Variants in METTL15 observed in about 807,000 individuals in gnomAD.
METTL15 encodes the protein 12S rRNA N(4)-cytidine methyltransferase METTL15.
In METTL15, 34 loss-of-function variants were observed where a neutral mutation model predicts 38.3. The observed-to-expected ratio is 0.89, with a 90% CI of 0.68 to 1.18. METTL15 has a LOEUF of 1.18. Among genes scored for constraint, METTL15 ranks in the 50% most tolerant of loss-of-function variants. The probability of loss-of-function intolerance (pLI) is 0.00; values close to 1 mark genes in which losing one functional copy is unlikely to be tolerated. For missense variants in METTL15, 438 were observed against 498.4 expected, an observed-to-expected ratio of 0.88 and a Z score of 1.15; for synonymous variants, 162 against 170.9, an observed-to-expected ratio of 0.95 and a Z score of 0.41.
At chr11:28,345,258 G>C (rs1348916007) in intron 3 of METTL15, among the ~76,000 whole-genome samples, 2 of 152,106 alleles carry the variant, frequency 1.3e-5, no homozygotes, top group Admixed American at 1.3e-4. Flanking sequence ...ACGTGATCTC[G>C]GCCTACTGCA....
intron 3 of METTL15, among the ~76,000 whole-genome samples, chr11:28,171,174 T>C (rs529216165): frequency 6.6e-6 from 1 of 152,296 alleles, no homozygotes; most frequent in South Asian, 2.1e-4. Context: ...TTCTTTAAGC[T>C]TAAGTGGAGT....
At chr11:28,376,393 T>C (rs1193306740) in intron 5 of METTL15, among the ~76,000 whole-genome samples, 3 of 152,144 alleles carry the variant, frequency 2.0e-5, no homozygotes, top group Non-Finnish European at 4.4e-5. Context: ...CTCTTCTTGT[T>C]GAATTGATCC....
At chr11:28,194,525 C>T (rs543467484) in intron 3 of METTL15, among the ~76,000 whole-genome samples, 1 of 151,764 alleles carries the variant, frequency 6.6e-6, no homozygotes. Flanking sequence ...GCGGTTGAAA[C>T]TATCAAGGTA....
At chr11:28,427,864 C>A (rs776939106) in intron 6 of METTL15, among the ~76,000 whole-genome samples, 1 of 152,130 alleles carries the variant, frequency 6.6e-6, no homozygotes, top group African/African-American at 2.4e-5. Context: ...CATTTGCAAA[C>A]AAAGATAGTT....
intron 3 of METTL15, among the ~76,000 whole-genome samples, chr11:28,124,624 G>T (rs147251491): frequency 5.3e-5 from 8 of 152,200 alleles, no homozygotes; most frequent in Non-Finnish European, 1.2e-4. Flanking sequence ...ATAAAAAACT[G>T]TAAGAGGATG....
intron 3 of METTL15, among the ~76,000 whole-genome samples, chr11:28,345,553 G>C (rs1849989054): frequency 6.6e-6 from 1 of 152,148 alleles, no homozygotes; most frequent in African/African-American, 2.4e-5. Context: ...ATTCTAGCTT[G>C]AAGAAAAAGG....
chr11:28,202,777 G>A (rs1276252761), intron 3 of METTL15, among the ~76,000 whole-genome samples: 1 of 152,062 alleles, frequency 6.6e-6, no homozygotes, highest in Non-Finnish European at 1.5e-5. Flanking sequence ...AAGTTTTAAA[G>A]TGAAGTCAGG....
chr11:28,213,011 A>T (rs188196214), intron 4 of METTL15, among the ~76,000 whole-genome samples: 1 of 152,044 alleles, frequency 6.6e-6, no homozygotes, highest in Admixed American at 6.6e-5. Flanking sequence ...CAGTTTATAG[A>T]TGTGGAAACT....
At chr11:28,360,500 G>A (rs1850127559) in intron 4 of METTL15, among the ~76,000 whole-genome samples, 2 of 152,194 alleles carry the variant, frequency 1.3e-5, no homozygotes, top group South Asian at 4.1e-4. Flanking sequence ...AAGACAAGTA[G>A]TGGAGAAAGC....
intron 6 of METTL15, among the ~76,000 whole-genome samples, chr11:28,310,786 G>T (rs983522550): frequency 6.6e-6 from 1 of 151,906 alleles, no homozygotes; most frequent in Non-Finnish European, 1.5e-5. Context: ...TGTATTTCAT[G>T]TATCTTTGAT....
rs151312315 is a variant in METTL15 at position 28,429,017 on chromosome 11, A to G, written c.*424+4653A>G. 3.9e-3 allele frequency among the ~76,000 whole-genome samples: 591 copies of G among 152,050 alleles called. 6 individuals carry two copies. The highest frequency in any genetic ancestry group is 0.013 in the African/African-American group (548 of 41,466). ...TCCCTGCCTGACTTTTTAACCCCCT[A>G]TTATACTGCCTGCCTGACTGGACTG... On this transcript the variant is annotated intron_variant and NMD_transcript_variant, in intron 6 of 7. Coordinates refer to the METTL15 transcript ENST00000532947.
intron 6 of METTL15, among the ~76,000 whole-genome samples, chr11:28,512,673 G>A (rs1403320614): frequency 1.3e-5 from 2 of 152,146 alleles, no homozygotes; most frequent in Admixed American, 6.5e-5. Flanking sequence ...CAGCTGGCCC[G>A]TAAGTGCCAC....
chr11:28,239,495 T>C (rs1368065058), intron 4 of METTL15, among the ~76,000 whole-genome samples: 2 of 152,216 alleles, frequency 1.3e-5, no homozygotes, highest in African/African-American at 4.8e-5. Flanking sequence ...ATTGGAGTTT[T>C]GTGTTTTGAC....
At chr11:28,422,635 A>G (rs1007296261) in intron 5 of METTL15, among the ~76,000 whole-genome samples, 3 of 152,064 alleles carry the variant, frequency 2.0e-5, no homozygotes, top group African/African-American at 7.2e-5. Flanking sequence ...TGAAAACTGG[A>G]TATTTATATG....
rs1253914195 is a variant in METTL15 at position 28,507,937 on chromosome 11, G to A, written c.*425-18541G>A. On this transcript the variant is annotated intron_variant and NMD_transcript_variant, in intron 6 of 7. Coordinates refer to the METTL15 transcript ENST00000532947. ...GAGTGATATTTTTAAATGTAAATCA[G>A]GTCACCCAACTTATCATCTCAAAAC... is the stretch of plus-strand genomic sequence containing the variant. 3.3e-5 allele frequency among the ~76,000 whole-genome samples: 5 copies of A among 152,012 alleles called. No homozygotes were observed. The East Asian group carries it at 5.8e-4, about 18-fold the overall frequency.
At chr11:28,214,305 A>C (rs1002968883) in intron 4 of METTL15, among the ~76,000 whole-genome samples, 1 of 152,186 alleles carries the variant, frequency 6.6e-6, no homozygotes, top group South Asian at 2.1e-4. Flanking sequence ...CAGGACTGGG[A>C]TTATAGGCAT....
chr11:28,285,499 A>G (rs1417856434), intron 4 of METTL15, among the ~76,000 whole-genome samples: 1 of 151,602 alleles, frequency 6.6e-6, no homozygotes, highest in Non-Finnish European at 1.5e-5. Flanking sequence ...AAGAAGACTT[A>G]AAGAACATGA....
At chr11:28,428,283 G>T (rs906391305) in intron 6 of METTL15, among the ~76,000 whole-genome samples, 17 of 152,170 alleles carry the variant, frequency 1.1e-4, no homozygotes, top group African/African-American at 4.1e-4. Context: ...ACAATGGTAA[G>T]TATGTGTGTG....
At chr11:28,362,204 A>G (rs530446547) in intron 5 of METTL15, among the ~76,000 whole-genome samples, 1 of 152,330 alleles carries the variant, frequency 6.6e-6, no homozygotes, top group South Asian at 2.1e-4. Flanking sequence ...GCAATTAAAC[A>G]AACAGTCCTG....
Sources: allele counts gnomAD v4.1 joint callset (sites outside exome capture counted in the v4.1 genomes callset), GRCh38; gene constraint gnomAD v4.1.1; transcripts MANE v1.5; gene names NCBI Gene and HGNC (gene_info 2026-07-23, HGNC 2026-07-21).